Variants in CXADR observed in about 807,000 individuals in gnomAD.
CXADR encodes coxsackievirus and adenovirus receptor.
In CXADR, 20 loss-of-function variants were observed where a neutral mutation model predicts 40.3. The observed-to-expected ratio is 0.50, with a 90% CI of 0.35 to 0.72. CXADR has a LOEUF of 0.72. Among genes scored for constraint, CXADR ranks in the 30% least tolerant of loss-of-function variants. The pLI is 0.01. For missense variants in CXADR, 332 were observed against 449.1 expected, an observed-to-expected ratio of 0.74 and a Z score of 2.36; for synonymous variants, 150 against 161.3, an observed-to-expected ratio of 0.93 and a Z score of 0.53.
At chr21:17,564,958 C>T (rs1217608423) in intron 6 of CXADR, among the ~76,000 whole-genome samples, 1 of 152,176 alleles carries the variant, frequency 6.6e-6, no homozygotes, top group Non-Finnish European at 1.5e-5. Flanking sequence ...TAGTCTTGAA[C>T]TCCTGATCTC....
chr21:17,596,411 G>A (rs2061504604), downstream of CXADR, among the ~76,000 whole-genome samples: 2 of 151,992 alleles, frequency 1.3e-5, no homozygotes, highest in South Asian at 4.1e-4. Flanking sequence ...AAAAGCGTCA[G>A]AGATTTATCT....
chr21:17,523,979 C>T (rs2060563054), intron 1 of CXADR, among the ~76,000 whole-genome samples: 1 of 152,024 alleles, frequency 6.6e-6, no homozygotes, highest in Non-Finnish European at 1.5e-5. Context: ...CTGCCTCAGC[C>T]TCCCAAGCAG....
chr21:17,596,691 A>G (rs139522312), downstream of CXADR, among the ~76,000 whole-genome samples: 11 of 152,212 alleles, frequency 7.2e-5, no homozygotes, highest in East Asian at 1.9e-3. Context: ...TGATGAATAT[A>G]TAATAGCTTT....
intron 1 of CXADR, among the ~76,000 whole-genome samples, chr21:17,530,161 CA>C (rs1383053449): frequency 7.8e-6 from 1 of 128,408 alleles, no homozygotes; most frequent in Non-Finnish European, 1.6e-5. Context: ...GGGGTTTCAC[CA>C]TACTGGCCAG....
chr21:17,567,760 A>G lies in CXADR; in HGVS notation c.*2068A>G. 1.2e-6 allele frequency: 1 copy of G among 857,458 alleles called. No homozygotes were observed. The highest frequency in any genetic ancestry group is 1.4e-6 in the Non-Finnish European group (1 of 712,842). 53.1% of individuals were successfully genotyped at this position (857,458 alleles called of 1,614,324 possible). A position where few individuals can be genotyped will look rare whatever the true frequency, so the allele number is the denominator to read the frequency against. ...TAAATAAACAGAACATTAATAATAA[A>G]GTTTTGGTTCTTCCTATTCCTGACT... On this transcript the variant is annotated 3_prime_UTR_variant, in exon 7 of 7. Transcript: ENST00000284878.
the CXADR span, among the ~76,000 whole-genome samples, chr21:17,614,997 G>A: frequency 6.6e-6 from 1 of 152,184 alleles, no homozygotes; most frequent in Non-Finnish European, 1.5e-5. Context: ...GGGACTGAAA[G>A]AGGAGAGCTG....
In CXADR at chr21:17,577,612, C is replaced by CTTTTTTT. The variant is rs532541050; in HGVS notation, c.1017+12023_1017+12029dup. ...CTCACACGTCAGACCATTCTGCAAG[C>CTTTTTTT]TTTTTTTTTTTTTTTTTTTTTTTTT... is the stretch of plus-strand genomic sequence containing the variant. On this transcript the variant is annotated intron_variant, in intron 7 of 7. Transcript: ENST00000400169. 8.7e-4 allele frequency among the ~76,000 whole-genome samples: 32 copies of CTTTTTTT among 36,576 alleles called. 4 individuals are homozygous for CTTTTTTT. The East Asian group carries it at 0.016, about 19-fold the overall frequency. 24.0% of individuals were successfully genotyped at this position (36,576 alleles called of 152,430 possible).
In CXADR at chr21:17,538,672, T is replaced by C. The variant is rs535244622; in HGVS notation, c.44-8355T>C. ...AAAATAAAAATAAAAATAAAATTAG[T>C]GGGCATGGTGGCACATACCTGTAGT... On this transcript the variant is annotated intron_variant, in intron 1 of 6. Transcript: ENST00000284878. 3.3e-5 allele frequency among the ~76,000 whole-genome samples: 5 copies of C among 151,984 alleles called. No individual in the cohort carries two copies. The South Asian group carries it at 1.0e-3, about 32-fold the overall frequency.
At chr21:17,513,262 G>GCT in intron 1 of CXADR, 90 bp downstream of exon 1, 1 of 1,232,458 alleles carries the variant, frequency 8.1e-7, no homozygotes, top group Non-Finnish European at 1.0e-6. Flanking sequence ...GCGTGGGGGA[G>GCT]GGGGCGGGCG....
At chr21:17,560,904 A>G (rs1752082792) in intron 5 of CXADR, 80 bp downstream of exon 5, 3 of 1,565,516 alleles carry the variant, frequency 1.9e-6, no homozygotes, top group Admixed American at 1.8e-5. Context: ...GCAAGTGTGT[A>G]TTAAGGACAA....
At chr21:17,551,681 T>C in intron 2 of CXADR, 68 bp from the exon 3 acceptor site, 4 of 1,393,352 alleles carry the variant, frequency 2.9e-6, no homozygotes, top group South Asian at 1.3e-5. Context: ...TATCCAGGGC[T>C]CCTTTAAGAG....
chr21:17,513,850 G>C (rs1216028717), intron 1 of CXADR, among the ~76,000 whole-genome samples: 1 of 152,188 alleles, frequency 6.6e-6, no homozygotes, highest in Admixed American at 6.5e-5. Context: ...GCAGTCCTTG[G>C]GCGAAGTGCA....
At chr21:17,579,283 CTCTTT>C (rs142661047) in intron 7 of CXADR, among the ~76,000 whole-genome samples, 37,846 of 150,070 alleles carry the variant, frequency 0.25, 4,816 homozygotes, top group African/African-American at 0.29. Flanking sequence ...TTCCTTTCTT[CTCTTT>C]TCTTTTTTTT....
intron 7 of CXADR, among the ~76,000 whole-genome samples, chr21:17,586,315 A>T (rs914448064): frequency 1.3e-5 from 2 of 150,214 alleles, no homozygotes; most frequent in African/African-American, 4.9e-5. Flanking sequence ...TTTTTTCCCC[A>T]TTCCAAATGG....
At chr21:17,598,497 G>A, downstream of CXADR, 2 of 811,204 alleles carry the variant, frequency 2.5e-6, no homozygotes, top group South Asian at 3.8e-5. Flanking sequence ...CATGGGGAAA[G>A]GCAAGAACTA....
chr21:17,608,760 T>C, the CXADR span: 294 of 450,408 alleles, frequency 6.5e-4, no homozygotes, highest in Admixed American at 3.6e-4. Context: ...CCCCATAGCA[T>C]TGGCCTCCTG....
chr21:17,518,943 G>T, intron 1 of CXADR: 2 of 1,607,378 alleles, frequency 1.2e-6, no homozygotes, highest in Non-Finnish European at 1.7e-6. Flanking sequence ...CTGTACCCTT[G>T]CCCCCTATCC....
At chr21:17,594,373 AATC>A (rs755516239), downstream of CXADR, 6 of 1,579,542 alleles carry the variant, frequency 3.8e-6, no homozygotes, top group Non-Finnish European at 5.2e-6. Context: ...CAAAGGAAAA[AATC>A]ATCATCTATG....
At chr21:17,526,219 A>G (rs2060596702) in intron 1 of CXADR, among the ~76,000 whole-genome samples, 1 of 152,234 alleles carries the variant, frequency 6.6e-6, no homozygotes, top group South Asian at 2.1e-4. Context: ...GCATGGGGGC[A>G]GTGTGCCATC....
Sources: allele counts gnomAD v4.1 joint callset (sites outside exome capture counted in the v4.1 genomes callset), GRCh38; gene constraint gnomAD v4.1.1; transcripts MANE v1.5; gene names NCBI Gene and HGNC (gene_info 2026-07-23, HGNC 2026-07-21).